Variants in ZNF536 observed in about 807,000 individuals in gnomAD.
ZNF536 encodes zinc finger protein 536.
In ZNF536, 13 loss-of-function variants were observed where a neutral mutation model predicts 84.5. The observed-to-expected ratio is 0.15, with a 90% confidence interval of 0.10 to 0.24. The LOEUF is 0.24. Ranked by LOEUF, ZNF536 falls within the 10% of genes least tolerant of loss-of-function variation. The pLI, the probability that ZNF536 is intolerant of heterozygous loss-of-function variation, is 1.00. For missense variants in ZNF536, 1,536 were observed against 1,747.5 expected, an observed-to-expected ratio of 0.88 and a Z score of 2.16; for synonymous variants, 811 against 742.5, an observed-to-expected ratio of 1.09 and a Z score of -1.50.
chr19:30,279,993 G>C (rs1200370158), intron 1 of ZNF536, among the ~76,000 whole-genome samples: 2 of 152,092 alleles, frequency 1.3e-5, no homozygotes, highest in African/African-American at 2.4e-5. Context: ...TGACCCATCC[G>C]GGGAAGGGCC....
At chr19:30,563,380 G>A (rs1230177415) in intron 1 of ZNF536, among the ~76,000 whole-genome samples, 4 of 152,122 alleles carry the variant, frequency 2.6e-5, no homozygotes, top group Admixed American at 2.6e-4. Context: ...CAACTGAGCT[G>A]TTTTCACTGT....
At chr19:30,466,731 G>T (rs1488874831) in intron 2 of ZNF536, among the ~76,000 whole-genome samples, 1 of 123,848 alleles carries the variant, frequency 8.1e-6, no homozygotes, top group African/African-American at 3.3e-5. Flanking sequence ...GAAGGAAGGA[G>T]GGAGGGAGGG....
chr19:30,652,816 C>T (rs1270846552), intron 1 of ZNF536, among the ~76,000 whole-genome samples: 2 of 152,120 alleles, frequency 1.3e-5, no homozygotes, highest in Non-Finnish European at 2.9e-5. Context: ...TCACCTGGGG[C>T]GTGGGCTTGG....
At chr19:30,316,478 CTTTACATATG>C (rs1434727497) in intron 2 of ZNF536, among the ~76,000 whole-genome samples, 1 of 152,104 alleles carries the variant, frequency 6.6e-6, no homozygotes, top group African/African-American at 2.4e-5. Flanking sequence ...TTCAAGAGCT[CTTTACATATG>C]TTGGACATTA....
intron 2 of ZNF536, among the ~76,000 whole-genome samples, chr19:30,458,470 T>TTTTTTTTTTCCG (rs2052973501): frequency 6.8e-6 from 1 of 147,256 alleles, no homozygotes; most frequent in African/African-American, 2.5e-5. Context: ...TTTTTTTTTT[T>TTTTTTTTTTCCG]GACCGAGTTT....
At chr19:30,251,928 C>A (rs1476148797) in intron 1 of ZNF536, among the ~76,000 whole-genome samples, 1 of 152,110 alleles carries the variant, frequency 6.6e-6, no homozygotes, top group Non-Finnish European at 1.5e-5. Flanking sequence ...CTTTTTGTGG[C>A]TGAGTAGTAT....
chr19:30,468,371 C>T (rs557641454), intron 2 of ZNF536, among the ~76,000 whole-genome samples: 20 of 152,232 alleles, frequency 1.3e-4, no homozygotes, highest in African/African-American at 4.6e-4. Flanking sequence ...GACCCCAGCT[C>T]GAACGCCAAG....
chr19:30,641,041 G>A (rs956547495), intron 1 of ZNF536, among the ~76,000 whole-genome samples: 1 of 152,094 alleles, frequency 6.6e-6, no homozygotes, highest in Non-Finnish European at 1.5e-5. Flanking sequence ...AGTTATCTCT[G>A]GATCAGCAGC....
At chr19:30,321,757 C>CTTTTTTTTTT (rs1568330298) in intron 2 of ZNF536, among the ~76,000 whole-genome samples, 10 of 144,650 alleles carry the variant, frequency 6.9e-5, no homozygotes, top group Non-Finnish European at 1.5e-4. Context: ...TTTTTGTTTT[C>CTTTTTTTTTT]TTTTTTCTTT....
intron 1 of ZNF536, among the ~76,000 whole-genome samples, chr19:30,697,509 G>T (rs1300639357): frequency 6.6e-6 from 1 of 152,162 alleles, no homozygotes; most frequent in Non-Finnish European, 1.5e-5. Context: ...TAAGCATCAG[G>T]CCTCATCTCA....
At chr19:30,677,153 C>T (rs2050782370) in intron 1 of ZNF536, among the ~76,000 whole-genome samples, 1 of 152,248 alleles carries the variant, frequency 6.6e-6, no homozygotes, top group Non-Finnish European at 1.5e-5. Context: ...ACCTGCTGGG[C>T]TGCCGCAATC....
chr19:30,461,257 C>A (rs1238610148), intron 2 of ZNF536, among the ~76,000 whole-genome samples: 1 of 152,178 alleles, frequency 6.6e-6, no homozygotes, highest in Admixed American at 6.5e-5. Flanking sequence ...GGCATTTGAA[C>A]CCACCTCTGT....
intron 1 of ZNF536, among the ~76,000 whole-genome samples, chr19:30,256,303 C>G (rs1568534263): frequency 6.6e-6 from 1 of 152,232 alleles, no homozygotes; most frequent in Non-Finnish European, 1.5e-5. Context: ...TGCGATTCCT[C>G]ATTTTTCCTG....
chr19:30,713,462 G>C (rs1163938019), exon 2 of ZNF536: 1 of 152,134 alleles, frequency 6.6e-6, no homozygotes, highest in African/African-American at 2.4e-5. Context: ...TTTATTCTTG[G>C]TCATTATTTA....
At chr19:30,307,266 T>A (rs569456012) in intron 2 of ZNF536, among the ~76,000 whole-genome samples, 79 of 152,038 alleles carry the variant, frequency 5.2e-4, no homozygotes, top group Non-Finnish European at 1.5e-4. Context: ...TTGATTGATA[T>A]GTGAAATATT....
chr19:30,701,841 C>T (rs948387862), intron 1 of ZNF536, among the ~76,000 whole-genome samples: 8 of 152,226 alleles, frequency 5.3e-5, no homozygotes, highest in African/African-American at 1.9e-4. Context: ...AGACATCCCT[C>T]TGCCATATCT....
At chr19:30,265,292 C>T (rs1027540494) in intron 1 of ZNF536, among the ~76,000 whole-genome samples, 2 of 152,298 alleles carry the variant, frequency 1.3e-5, no homozygotes, top group Middle Eastern at 3.4e-3. Context: ...GAGCCCAGCC[C>T]TCTTCAACTT....
rs1055210974 is a variant in ZNF536, at chr19:30,384,209, T to A, written c.-3+11653T>A. Among the ~76,000 whole-genome samples, 187 of 19,940 alleles carry A rather than the reference T, an allele frequency of 9.4e-3. 3 individuals carry two copies. The highest frequency in any genetic ancestry group is 0.026 in the African/African-American group (100 of 3,904). The allele number at this position is 19,940 out of a possible 152,430, so 13.1% of individuals were successfully genotyped here. A position where few individuals can be genotyped will look rare whatever the true frequency, so the allele number is the denominator to read the frequency against. ...TCTCCTTCCTTCCTTCCTTCCATCC[T>A]CCCTCCCTCCCTCCCTCCCTCCCTT... is the stretch of plus-strand genomic sequence containing the variant. On this transcript the variant is annotated intron_variant, in intron 1 of 4. Transcript: ENST00000355537.
At chr19:30,600,189 T>C (rs1327574645) in intron 1 of ZNF536, among the ~76,000 whole-genome samples, 1 of 152,132 alleles carries the variant, frequency 6.6e-6, no homozygotes, top group Non-Finnish European at 1.5e-5. Context: ...ACCTTCCAAG[T>C]GTAAGCGATC....
Sources: allele counts gnomAD v4.1 joint callset (sites outside exome capture counted in the v4.1 genomes callset), GRCh38; gene constraint gnomAD v4.1.1; transcripts MANE v1.5; gene names NCBI Gene and HGNC (gene_info 2026-07-23, HGNC 2026-07-21).